GPD2: variants seen among roughly 807,000 people sequenced by gnomAD.
GPD2 encodes glycerol-3-phosphate dehydrogenase 2.
A neutral mutation model predicts 82.4 loss-of-function variants in GPD2; 54 were observed. The observed-to-expected ratio is 0.66, with a 90% CI of 0.53 to 0.82. GPD2 has a LOEUF of 0.82. GPD2 is among the 40% of genes least tolerant of loss of function. The pLI is 0.00. For missense variants in GPD2, 748 were observed against 896.2 expected (o/e 0.83, Z 2.11); for synonymous variants, 288 against 306.1 (o/e 0.94, Z 0.62).
At chr2:156,404,250 G>T in the GPD2 span, among the ~76,000 whole-genome samples, 3 of 152,010 alleles carry the variant, frequency 2.0e-5, no homozygotes, top group Non-Finnish European at 4.4e-5. Context: ...CAGGTGTGGT[G>T]GTACACACCT....
At chr2:156,532,548 CT>C (rs1353832940) in intron 6 of GPD2, among the ~76,000 whole-genome samples, 1 of 152,106 alleles carries the variant, frequency 6.6e-6, no homozygotes, top group East Asian at 1.9e-4. Flanking sequence ...TGTAAATTCC[CT>C]TTGAATTATG....
intron 13 of GPD2, among the ~76,000 whole-genome samples, chr2:156,572,297 G>A (rs1366981172): frequency 1.3e-5 from 2 of 152,148 alleles, no homozygotes; most frequent in East Asian, 3.9e-4. Flanking sequence ...CCATATTTAT[G>A]TTTAAATAAC....
chr2:156,525,268 T>C (rs1685561199), intron 6 of GPD2, among the ~76,000 whole-genome samples: 1 of 152,236 alleles, frequency 6.6e-6, no homozygotes, highest in Admixed American at 6.5e-5. Flanking sequence ...CCTGGGGCAC[T>C]TCCTGCAGTT....
At chr2:156,560,336 A>T (rs977226718) in intron 9 of GPD2, among the ~76,000 whole-genome samples, 2 of 152,184 alleles carry the variant, frequency 1.3e-5, no homozygotes, top group Admixed American at 6.5e-5. Flanking sequence ...TTAACATACC[A>T]TTTTGTAGTC....
At chr2:156,494,204 T>C (rs900216556) in intron 2 of GPD2, among the ~76,000 whole-genome samples, 11 of 152,312 alleles carry the variant, frequency 7.2e-5, no homozygotes, top group African/African-American at 2.6e-4. Context: ...TAGTAAAACA[T>C]GTTTTGAAAG....
chr2:156,428,664 A>T, the GPD2 span, among the ~76,000 whole-genome samples: 2,638 of 152,322 alleles, frequency 0.017, 30 homozygotes, highest in South Asian at 0.027. Flanking sequence ...TTTAAATAAT[A>T]CACTTCCCAT....
At chr2:156,466,050 C>T (rs1208724615) in intron 1 of GPD2, among the ~76,000 whole-genome samples, 1 of 152,112 alleles carries the variant, frequency 6.6e-6, no homozygotes, top group East Asian at 1.9e-4. Context: ...AAGGGGTTGG[C>T]ATTTTTGTGA....
upstream of GPD2, among the ~76,000 whole-genome samples, chr2:156,432,022 G>A (rs1184132994): frequency 6.6e-6 from 1 of 151,828 alleles, no homozygotes; most frequent in African/African-American, 2.4e-5. Context: ...GAGTAGCTGG[G>A]ACTACAGGCG....
At chr2:156,478,045 C>A (rs1226959984) in intron 2 of GPD2, among the ~76,000 whole-genome samples, 1 of 152,134 alleles carries the variant, frequency 6.6e-6, no homozygotes, top group Non-Finnish European at 1.5e-5. Flanking sequence ...GCATGTTCTA[C>A]TTCAGAGTTT....
At chr2:156,524,453 T>G (rs1685532632) in intron 6 of GPD2, among the ~76,000 whole-genome samples, 2 of 152,186 alleles carry the variant, frequency 1.3e-5, no homozygotes, top group African/African-American at 4.8e-5. Flanking sequence ...GCTTCTTTAC[T>G]TTCCTGTTTG....
intron 13 of GPD2, among the ~76,000 whole-genome samples, chr2:156,578,042 A>G (rs372289472): frequency 6.6e-6 from 1 of 152,204 alleles, no homozygotes; most frequent in Non-Finnish European, 1.5e-5. Flanking sequence ...AGCATAATAT[A>G]TATATGAGGA....
intron 13 of GPD2, among the ~76,000 whole-genome samples, chr2:156,572,263 A>G: frequency 6.6e-6 from 1 of 152,154 alleles, no homozygotes; most frequent in Non-Finnish European, 1.5e-5. Context: ...CTTATACCCT[A>G]TCTAAATCCA....
intron 2 of GPD2, among the ~76,000 whole-genome samples, chr2:156,485,818 G>A (rs1358786699): frequency 6.6e-6 from 1 of 152,150 alleles, no homozygotes; most frequent in African/African-American, 2.4e-5. Flanking sequence ...AAAAAGTTTT[G>A]TTAAGCATTT....
At chr2:156,459,706 A>AAAAAAAAAAAAAG (rs1553465808) in intron 1 of GPD2, among the ~76,000 whole-genome samples, 2 of 148,970 alleles carry the variant, frequency 1.3e-5, no homozygotes, top group East Asian at 2.0e-4. Flanking sequence ...AAAAAAAAAA[A>AAAAAAAAAAAAAG]AAAGAAAGAA....
intron 3 of GPD2, among the ~76,000 whole-genome samples, chr2:156,503,244 T>C (rs1237471263): frequency 1.3e-5 from 2 of 152,168 alleles, no homozygotes; most frequent in South Asian, 2.1e-4. Flanking sequence ...CTGGCTTTTT[T>C]ACCTTTCCTT....
the GPD2 span, among the ~76,000 whole-genome samples, chr2:156,427,023 G>A: frequency 6.6e-6 from 1 of 152,220 alleles, no homozygotes. Context: ...GGATTGTGAT[G>A]CAATCTCAAT....
At chr2:156,502,991 A>T (rs1314744319) in intron 3 of GPD2, among the ~76,000 whole-genome samples, 2 of 151,300 alleles carry the variant, frequency 1.3e-5, no homozygotes, top group Non-Finnish European at 2.9e-5. Context: ...CATACCCTCA[A>T]CTCTGTAAGT....
the GPD2 span, among the ~76,000 whole-genome samples, chr2:156,419,841 T>C: frequency 6.6e-6 from 1 of 152,226 alleles, no homozygotes; most frequent in Non-Finnish European, 1.5e-5. Context: ...ATCCTGTTTT[T>C]CTTAACCAAA....
At chr2:156,460,250 C>T (rs775261645) in intron 1 of GPD2, among the ~76,000 whole-genome samples, 7 of 152,154 alleles carry the variant, frequency 4.6e-5, no homozygotes, top group Non-Finnish European at 7.3e-5. Flanking sequence ...ACGATCCTAG[C>T]CCACTGGGGT....
Sources: allele counts gnomAD v4.1 joint callset (sites outside exome capture counted in the v4.1 genomes callset), GRCh38; gene constraint gnomAD v4.1.1; transcripts MANE v1.5; gene names NCBI Gene and HGNC (gene_info 2026-07-23, HGNC 2026-07-21).